Variants in NUGGC observed in about 807,000 individuals in gnomAD.
NUGGC encodes the protein nuclear GTPase SLIP-GC.
Under a neutral mutation model 92.6 loss-of-function variants are expected in NUGGC, and 58 were observed. The ratio of observed to expected loss-of-function variants is 0.63; its 90% confidence interval spans 0.51 to 0.78. The LOEUF (loss-of-function observed/expected upper bound fraction) is 0.78, where lower values mean the gene tolerates loss of function less well. Ranked by LOEUF, NUGGC falls within the 30% of genes least tolerant of loss-of-function variation. The pLI, the probability that NUGGC is intolerant of heterozygous loss-of-function variation, is 0.00. For synonymous variants in NUGGC, 376 were observed against 366.4 expected (o/e 1.03, Z -0.30); for missense variants, 925 against 964.6 (o/e 0.96, Z 0.54).
At chr8:28,070,196 T>C in intron 3 of NUGGC, 56 bp downstream of exon 3, 2 of 1,498,270 alleles carry the variant, frequency 1.3e-6, no homozygotes, top group Non-Finnish European at 1.8e-6. Flanking sequence ...TTGACCATTT[T>C]AACATACTTG....
chr8:28,030,443 C>A (rs1223463707), intron 15 of NUGGC, 25 bp from the exon 16 acceptor site: 1 of 1,297,864 alleles, frequency 7.7e-7, no homozygotes, highest in Non-Finnish European at 1.1e-6. Flanking sequence ...CAAAAGAGGC[C>A]GTTGGTGACA....
chr8:28,067,589 G>C lies in NUGGC; in HGVS notation c.636C>G (p.Asn212Lys). ...GCTTCGCCCTCAGTAACTCCTCATAGTTCTTACTCTCTGCCCCATTTCCAT... is the reference window on the plus strand; with the variant it reads ...GCTTCGCCCTCAGTAACTCCTCATACTTCTTACTCTCTGCCCCATTTCCAT... ...MIYGNGAESK[N>K]YEELLRAKPK... The change falls in exon 6 of 19, where the codon AAC becomes AAG. Residue 212 changes from asparagine to lysine, a missense_variant. By Grantham distance (94) the Asn-to-Lys change is moderately conservative (BLOSUM62 0). Transcript: ENST00000413272. 6.2e-7 allele frequency: 1 copy of C among 1,613,742 alleles called. No individual in the cohort carries two copies. The highest frequency in any genetic ancestry group is 8.5e-7 in the Non-Finnish European group (1 of 1,179,764).
At position 28,047,585 on chromosome 8, in the gene NUGGC, G is replaced by A; in HGVS notation, c.1234C>T (p.Leu412=). The change falls in exon 11 of 19, where the codon CTG becomes TTG. Residue 412 remains leucine (L), a synonymous_variant. Coordinates refer to ENST00000413272, the MANE Select transcript of NUGGC (RefSeq NM_001010906.2). ...KRKLPADFKV[L]EASDLVYTVS... is the part of the protein sequence containing the mutation. ...GTATACACCAGATCTGAGGCTTCCA[G>A]AACCTTGAAGTCAGCTGGCAGTTTT... 1 of 1,563,202 alleles carries A rather than the reference G, an allele frequency of 6.4e-7. No homozygotes were observed.
chr8:28,036,623 T>C (rs1809560556), intron 13 of NUGGC, among the ~76,000 whole-genome samples: 1 of 152,218 alleles, frequency 6.6e-6, no homozygotes, highest in African/African-American at 2.4e-5. Flanking sequence ...TTCTTTAAAT[T>C]GAAGCAATTT....
Position 28,044,458 on chromosome 8 carries a change from G to A in NUGGC, c.1446+1069C>T, listed in dbSNP as rs191030906. On this transcript the variant is annotated intron_variant, in intron 12 of 18. Coordinates refer to ENST00000413272, the MANE Select transcript of NUGGC (RefSeq NM_001010906.2). ...ATGGTGGACAAAAGGAAAGGCTTCG[G>A]GGTGCCCTGATTGGAGGCTGTTGGC... 3.3e-3 allele frequency among the ~76,000 whole-genome samples: 508 copies of A among 152,272 alleles called. 1 individual carries two copies. Among genetic ancestry groups the A allele is most frequent in the African/African-American group, 0.011 (474 of 41,554 alleles).
intron 1 of NUGGC, among the ~76,000 whole-genome samples, chr8:28,080,527 G>A (rs1411307218): frequency 2.0e-5 from 3 of 151,976 alleles, no homozygotes; most frequent in Non-Finnish European, 2.9e-5. Flanking sequence ...GGGCATTTTG[G>A]TCATTAACAT....
chr8:28,079,263 C>T (rs1004585282), intron 1 of NUGGC, among the ~76,000 whole-genome samples: 2 of 152,096 alleles, frequency 1.3e-5, no homozygotes, highest in East Asian at 1.9e-4. Context: ...GAATGCGGGC[C>T]GGGTGCGGTG....
At chr8:28,030,221 G>A in intron 16 of NUGGC, 89 bp downstream of exon 16, 1 of 728,122 alleles carries the variant, frequency 1.4e-6, no homozygotes, top group Non-Finnish European at 2.5e-6. Context: ...AAGAGAACAG[G>A]GCCTTTGAGG....
rs1313288273 is a variant in NUGGC, at chr8:28,022,675, C to T, written c.*642G>A. ...AGGCACAATGGCTCATGCCTGCAAT[C>T]CTAGCACAAGAGACTGAGGTGGGAG... On this transcript the variant is annotated 3_prime_UTR_variant, in exon 19 of 19. Transcript: ENST00000413272. 1 of 152,188 alleles carries T rather than the reference C, an allele frequency of 6.6e-6. No homozygotes were observed. Among genetic ancestry groups the T allele is most frequent in the Non-Finnish European group, 1.5e-5 (1 of 68,054 alleles). The allele number at this position is 152,188 out of a possible 1,614,324, so 9.4% of individuals were successfully genotyped here.
At chr8:28,064,818 T>C in intron 6 of NUGGC, 87 bp from the exon 7 acceptor site, 1 of 1,121,170 alleles carries the variant, frequency 8.9e-7, no homozygotes, top group South Asian at 1.4e-5. Flanking sequence ...TCATGGTAAG[T>C]ATGCTGAGTA....
chr8:28,063,745 C>T (rs1441256400), intron 7 of NUGGC, among the ~76,000 whole-genome samples: 1 of 152,218 alleles, frequency 6.6e-6, no homozygotes, highest in Non-Finnish European at 1.5e-5. Context: ...CCAAGCTCCC[C>T]TGGCACAATC....
At chr8:28,077,802 TA>T (rs1299572419) in intron 1 of NUGGC, among the ~76,000 whole-genome samples, 1 of 152,106 alleles carries the variant, frequency 6.6e-6, no homozygotes, top group East Asian at 1.9e-4. Flanking sequence ...TGGAGCCGGA[TA>T]AAGTACAAAA....
In NUGGC at chr8:28,056,029, G is replaced by T; in HGVS notation, c.1142C>A (p.Ala381Asp). The T allele has an allele frequency of 6.4e-7, 1 of 1,565,390 alleles. No individual in the cohort carries two copies. The highest frequency in any genetic ancestry group is 8.7e-7 in the Non-Finnish European group (1 of 1,151,830). ...TATCATTTCATTTCTTTCTAAAACA[G>T]CCTCTCGCTGACTCTGAATAGCTTG... Reference protein sequence around the residue: ...GNQAIQSQREAVLERNEMIKL... With the variant: ...GNQAIQSQREDVLERNEMIKL... Residue 381 changes from alanine (A) to aspartate (D), a missense_variant, in exon 10 of 19, where the codon GCT becomes GAT. Transcript: ENST00000413272.
intron 12 of NUGGC, among the ~76,000 whole-genome samples, chr8:28,043,210 T>A (rs1809743677): frequency 1.3e-5 from 2 of 152,156 alleles, no homozygotes; most frequent in Admixed American, 6.5e-5. Context: ...AAAAGAATGA[T>A]AAGAAAGGGA....
chr8:28,034,148 A>G (rs1270299740), intron 13 of NUGGC, among the ~76,000 whole-genome samples: 1 of 152,250 alleles, frequency 6.6e-6, no homozygotes, highest in Non-Finnish European at 1.5e-5. Flanking sequence ...GACAATAAGT[A>G]TATGTCTTGA....
intron 2 of NUGGC, 29 bp from the exon 3 acceptor site, chr8:28,070,385 T>C (rs1458589390): frequency 2.5e-6 from 3 of 1,209,224 alleles, no homozygotes; most frequent in Non-Finnish European, 3.6e-6. Context: ...TATATAAGAT[T>C]ATAGGTGTTG....
At chr8:28,066,750 C>T (rs1352965422) in intron 6 of NUGGC, among the ~76,000 whole-genome samples, 1 of 152,154 alleles carries the variant, frequency 6.6e-6, no homozygotes, top group Non-Finnish European at 1.5e-5. Context: ...GCAAGAATAT[C>T]ATTCTACTAG....
intron 10 of NUGGC, among the ~76,000 whole-genome samples, chr8:28,048,860 CAAAAAAAA>C (rs60050826): frequency 9.1e-6 from 1 of 109,388 alleles, no homozygotes. Context: ...GATTCCATCT[CAAAAAAAA>C]AAAAAAAAAA....
chr8:28,041,323 A>C, intron 12 of NUGGC, 108 bp from the exon 13 acceptor site: 1 of 1,106,382 alleles, frequency 9.0e-7, no homozygotes, highest in Non-Finnish European at 1.3e-6. Flanking sequence ...TCAGCTTATC[A>C]CTCAGAGCTG....
Sources: gnomAD v4.1 joint callset for allele counts (sites outside exome capture counted in the v4.1 genomes callset) on GRCh38, gnomAD v4.1.1 for gene constraint, MANE v1.5 for transcripts, NCBI Gene and HGNC (gene_info 2026-07-23, HGNC 2026-07-21) for gene names.